MACIR: variants seen among roughly 807,000 people sequenced by gnomAD.
The protein encoded by MACIR is macrophage immunometabolism regulator, also known as UNC119-binding protein C5orf30.
A neutral mutation model predicts 14.3 loss-of-function variants in MACIR; 4 were observed. The observed-to-expected ratio is 0.28, with a 90% CI of 0.14 to 0.64. The LOEUF is 0.64. Ranked by LOEUF, MACIR falls within the 30% of genes least tolerant of loss-of-function variation. The pLI, the probability that MACIR is intolerant of heterozygous loss-of-function variation, is 0.83. For synonymous variants in MACIR, 101 were observed against 102.4 expected (o/e 0.99, Z 0.08); for missense variants, 228 against 257.6 (o/e 0.89, Z 0.79).
At chr5:103,259,432 C>T (rs567657858) in intron 1 of MACIR, 4 of 152,278 alleles carry the variant, frequency 2.6e-5, no homozygotes, top group African/African-American at 9.6e-5. Context: ...CTCCCTTGGC[C>T]GCTGTTCCCG....
intron 2 of MACIR, among the ~76,000 whole-genome samples, chr5:103,275,533 T>G (rs1160316647): frequency 6.6e-6 from 1 of 152,252 alleles, no homozygotes; most frequent in Non-Finnish European, 1.5e-5. Context: ...TTTCATTTGC[T>G]TAATGCTGAG....
intron 1 of MACIR, among the ~76,000 whole-genome samples, chr5:103,261,662 C>CTTTCTTTCTTTCTTTCTTTCTTTCT: frequency 9.0e-6 from 1 of 110,676 alleles, no homozygotes; most frequent in African/African-American, 3.9e-5. Context: ...TTCTTTCTTT[C>CTTTCTTTCTTTCTTTCTTTCTTTCT]TTTCTTTCTT....
At chr5:103,269,955 T>C (rs1237464597) in intron 2 of MACIR, among the ~76,000 whole-genome samples, 1 of 152,212 alleles carries the variant, frequency 6.6e-6, no homozygotes, top group Non-Finnish European at 1.5e-5. Flanking sequence ...AAGAGGTATC[T>C]AAGTGTTTTA....
chr5:103,262,329 T>A lies in MACIR; in HGVS notation c.-114+3433T>A, dbSNP rs556795396. ...AAAGAACTCAGACCTGTATGGGAAT[T>A]CACCGTTCAAGCAGAAGGGTGTTTC... is the stretch of plus-strand genomic sequence containing the variant. On this transcript the variant is annotated intron_variant, in intron 1 of 2. Transcript: ENST00000319933. Among the ~76,000 whole-genome samples the A allele has an allele frequency of 3.1e-4, 47 of 152,256 alleles. No individual in the cohort carries two copies. The South Asian group carries it at 9.5e-3, about 31-fold the overall frequency.
rs73778408 is a variant in MACIR, at chr5:103,268,646, C to T, written c.-24+2649C>T. 1.0e-2 allele frequency among the ~76,000 whole-genome samples: 1,519 copies of T among 152,276 alleles called. 21 individuals are homozygous for T. Among genetic ancestry groups the T allele is most frequent in the African/African-American group, 0.034 (1,427 of 41,552 alleles). On this transcript the variant is annotated intron_variant, in intron 2 of 2. Coordinates refer to ENST00000319933, the MANE Select transcript of MACIR (RefSeq NM_033211.4). ...GGAATCTTTTACAACTTGCAGAACCCAGGCTACACCCCAGATCAGTTAAAT... is the reference window on the plus strand; with the variant it reads ...GGAATCTTTTACAACTTGCAGAACCTAGGCTACACCCCAGATCAGTTAAAT...
At chr5:103,266,765 G>A (rs782525131) in intron 2 of MACIR, among the ~76,000 whole-genome samples, 4 of 152,060 alleles carry the variant, frequency 2.6e-5, no homozygotes, top group Non-Finnish European at 5.9e-5. Flanking sequence ...ATAATCCTTA[G>A]AGAAAGCGGA....
intron 2 of MACIR, among the ~76,000 whole-genome samples, chr5:103,272,503 C>T (rs1318137703): frequency 6.6e-6 from 1 of 152,088 alleles, no homozygotes; most frequent in Non-Finnish European, 1.5e-5. Flanking sequence ...CAGGATCTTG[C>T]TTCAATATGT....
intron 2 of MACIR, among the ~76,000 whole-genome samples, chr5:103,269,259 T>C (rs1353175903): frequency 1.3e-5 from 2 of 152,104 alleles, no homozygotes; most frequent in African/African-American, 4.8e-5. Flanking sequence ...GCTCTAGATA[T>C]CATGATATCA....
In MACIR at chr5:103,277,951, A is replaced by G. The variant is rs532808037; in HGVS notation, c.*1411A>G. 1.8e-4 allele frequency: 30 copies of G among 167,084 alleles called. No individual in the cohort carries two copies. In the South Asian group the frequency reaches 4.8e-3, roughly 27 times the overall value. The allele number at this position is 167,084 out of a possible 1,614,324, so 10.4% of individuals were successfully genotyped here. On this transcript the variant is annotated 3_prime_UTR_variant, in exon 3 of 3. Transcript: ENST00000319933. ...TAATGAGTGGGTCATTCCTGGTGCA[A>G]TTGTGATTTTTCTTTAGCCAGAATG...
At chr5:103,273,047 A>G (rs975440136) in intron 2 of MACIR, among the ~76,000 whole-genome samples, 2 of 152,156 alleles carry the variant, frequency 1.3e-5, no homozygotes, top group African/African-American at 2.4e-5. Flanking sequence ...TCCCGCAGGA[A>G]TCTCCCTAGA....
rs782515139 is a variant in MACIR, at chr5:103,276,223, C to G, written c.304C>G (p.Arg102Gly). ...RSKQLDAGLARSSRLYKTRSR... is the reference protein window; with the variant it reads ...RSKQLDAGLAGSSRLYKTRSR... ...CAAACAGCTAGATGCAGGACTTGCCCGTTCCTCTCGTTTGTATAAAACCAG... is the reference window on the plus strand; with the variant it reads ...CAAACAGCTAGATGCAGGACTTGCCGGTTCCTCTCGTTTGTATAAAACCAG... Residue 102 changes from arginine (R) to glycine (G), a missense_variant, in exon 3 of 3, where the codon CGT becomes GGT. By Grantham distance (125) the Arg-to-Gly change is moderately radical. Coordinates refer to ENST00000319933, the MANE Select transcript of MACIR (RefSeq NM_033211.4). The G allele has an allele frequency of 6.2e-7, 1 of 1,613,328 alleles. No individual in the cohort carries two copies. The highest frequency in any genetic ancestry group is 1.1e-5 in the South Asian group (1 of 91,030).
At chr5:103,265,398 C>G (rs1340688376) in intron 1 of MACIR, among the ~76,000 whole-genome samples, 2 of 152,136 alleles carry the variant, frequency 1.3e-5, no homozygotes, top group Admixed American at 1.3e-4. Context: ...TTCATTTGAT[C>G]CATCTAACAA....
At chr5:103,268,566 C>G (rs187912177) in intron 2 of MACIR, among the ~76,000 whole-genome samples, 329 of 152,296 alleles carry the variant, frequency 2.2e-3, no homozygotes, top group Middle Eastern at 0.01. Context: ...ACTCTTCTAT[C>G]TGATAAGTTC....
intron 2 of MACIR, among the ~76,000 whole-genome samples, chr5:103,271,464 C>T (rs1338599388): frequency 6.6e-6 from 1 of 151,850 alleles, no homozygotes; most frequent in African/African-American, 2.4e-5. Context: ...TTAGTTTTAG[C>T]CAAAATTTAC....
At chr5:103,262,215 T>G (rs961162832) in intron 1 of MACIR, among the ~76,000 whole-genome samples, 11 of 152,158 alleles carry the variant, frequency 7.2e-5, no homozygotes, top group Non-Finnish European at 1.6e-4. Flanking sequence ...TGTGCACCAG[T>G]GCCTGCATAG....
chr5:103,267,286 A>C (rs1804961717), intron 2 of MACIR, among the ~76,000 whole-genome samples: 1 of 152,194 alleles, frequency 6.6e-6, no homozygotes, highest in African/African-American at 2.4e-5. Context: ...AATAATCTGT[A>C]GATTACTTAT....
upstream of MACIR, chr5:103,258,731 A>G (rs1804546272): frequency 6.5e-6 from 1 of 152,772 alleles, no homozygotes; most frequent in Non-Finnish European, 1.5e-5. Flanking sequence ...GGGACTAAGC[A>G]GGGCGGTAGC....
At chr5:103,264,903 A>G (rs1160198189) in intron 1 of MACIR, among the ~76,000 whole-genome samples, 3 of 152,014 alleles carry the variant, frequency 2.0e-5, no homozygotes, top group African/African-American at 7.3e-5. Flanking sequence ...TACTGTTGAC[A>G]CTTCTTGGGC....
intron 1 of MACIR, among the ~76,000 whole-genome samples, chr5:103,262,741 C>CTT (rs1554236410): frequency 1.3e-5 from 2 of 152,194 alleles, no homozygotes; most frequent in Non-Finnish European, 2.9e-5. Flanking sequence ...TGTCCCACTG[C>CTT]ATTCTGTTTC....
Sources: allele counts gnomAD v4.1 joint callset (sites outside exome capture counted in the v4.1 genomes callset), GRCh38; gene constraint gnomAD v4.1.1; transcripts MANE v1.5; gene names NCBI Gene and HGNC (gene_info 2026-07-23, HGNC 2026-07-21).